TAS2R1: variants seen among roughly 807,000 people sequenced by gnomAD.
TAS2R1 encodes the protein taste receptor type 2 member 1.
For missense variants in TAS2R1, 370 were observed against 353.4 expected, an observed-to-expected ratio of 1.05 and a Z score of -0.38; for synonymous variants, 141 against 134.2, an observed-to-expected ratio of 1.05 and a Z score of -0.35.
At chr5:9,879,525 T>C in the TAS2R1 span, among the ~76,000 whole-genome samples, 3 of 152,154 alleles carry the variant, frequency 2.0e-5, no homozygotes, top group Non-Finnish European at 2.9e-5. Context: ...CAACTATCAT[T>C]CTGGTAGACC....
chr5:9,768,979 T>C, the TAS2R1 span, among the ~76,000 whole-genome samples: 2 of 152,332 alleles, frequency 1.3e-5, no homozygotes, highest in Admixed American at 1.3e-4. Flanking sequence ...TTGACTGTAG[T>C]CACCCTGTTG....
At chr5:9,733,660 G>C in the TAS2R1 span, among the ~76,000 whole-genome samples, 1 of 152,118 alleles carries the variant, frequency 6.6e-6, no homozygotes. Context: ...CTTGAAGCTC[G>C]TGTGGAAAAC....
chr5:9,805,696 T>A, the TAS2R1 span, among the ~76,000 whole-genome samples: 1 of 151,892 alleles, frequency 6.6e-6, no homozygotes, highest in African/African-American at 2.4e-5. Context: ...AAATCCAGCA[T>A]CCCTTTATAA....
At chr5:9,642,533 T>C (rs1274407070) in intron 2 of TAS2R1, among the ~76,000 whole-genome samples, 2 of 152,186 alleles carry the variant, frequency 1.3e-5, no homozygotes, top group Non-Finnish European at 2.9e-5. Flanking sequence ...TAATCATTCT[T>C]CAGATCCATT....
At chr5:9,699,451 T>C (rs891707212) in intron 1 of TAS2R1, among the ~76,000 whole-genome samples, 5 of 151,922 alleles carry the variant, frequency 3.3e-5, no homozygotes, top group African/African-American at 1.2e-4. Flanking sequence ...ACTTCTATTT[T>C]ATTACTTGTG....
At chr5:9,652,859 ATAT>A (rs1330139361) in intron 2 of TAS2R1, among the ~76,000 whole-genome samples, 3 of 152,182 alleles carry the variant, frequency 2.0e-5, no homozygotes, top group Non-Finnish European at 4.4e-5. Flanking sequence ...TTTCTAAAAA[ATAT>A]TATTTTAATT....
chr5:9,806,507 C>T, the TAS2R1 span, among the ~76,000 whole-genome samples: 1 of 151,962 alleles, frequency 6.6e-6, no homozygotes, highest in African/African-American at 2.4e-5. Flanking sequence ...TACTATAAGG[C>T]CATTGTCATC....
chr5:9,736,480 C>A, the TAS2R1 span, among the ~76,000 whole-genome samples: 31 of 152,184 alleles, frequency 2.0e-4, no homozygotes, highest in African/African-American at 7.0e-4. Flanking sequence ...GCTCCCTCAC[C>A]CTTCCTGTAG....
chr5:9,745,080 A>G, the TAS2R1 span, among the ~76,000 whole-genome samples: 1 of 152,196 alleles, frequency 6.6e-6, no homozygotes, highest in African/African-American at 2.4e-5. Flanking sequence ...GAATTGGTGG[A>G]AAAAGGCTGC....
chr5:9,839,610 T>G, the TAS2R1 span, among the ~76,000 whole-genome samples: 1 of 152,210 alleles, frequency 6.6e-6, no homozygotes, highest in African/African-American at 2.4e-5. Flanking sequence ...AAGTACAAAG[T>G]GACTCAAAGC....
In TAS2R1 at chr5:9,628,955, T is replaced by A; in HGVS notation, c.*178A>T. On this transcript the variant is annotated 3_prime_UTR_variant, in exon 1 of 1. Transcript: ENST00000382492. ...ATCAACATATGTTGTGCTTTCAAAATCAGTTTAACTGCTTGAAAAAGTAGC... is the reference window on the plus strand; with the variant it reads ...ATCAACATATGTTGTGCTTTCAAAAACAGTTTAACTGCTTGAAAAAGTAGC... 1.8e-6 allele frequency: 1 copy of A among 550,184 alleles called. No homozygotes were observed. 34.1% of individuals were successfully genotyped at this position (550,184 alleles called of 1,614,324 possible).
the TAS2R1 span, among the ~76,000 whole-genome samples, chr5:9,891,772 G>A: frequency 2.0e-5 from 3 of 152,146 alleles, no homozygotes; most frequent in Admixed American, 6.5e-5. Flanking sequence ...ACCCATCAGG[G>A]CAGTTGGACA....
In TAS2R1 at chr5:9,629,842, TAGA is replaced by T; in HGVS notation, c.188_190del (p.Phe63del). The T allele has an allele frequency of 1.2e-6, 2 of 1,613,692 alleles. No homozygotes were observed. Among genetic ancestry groups the T allele is most frequent in the Non-Finnish European group, 1.7e-6 (2 of 1,179,950 alleles). The stretch of plus-strand genomic sequence containing the variant: ...GAAGAAGATAACAATCACATTAACG[TAGA>T]AGATGAACAACTGCAGAAAAATTCT... On this transcript the variant is annotated inframe_deletion, in exon 1 of 1. Coordinates refer to ENST00000382492, the MANE Select transcript of TAS2R1 (RefSeq NM_019599.3).
chr5:9,856,340 C>T, the TAS2R1 span, among the ~76,000 whole-genome samples: 1 of 151,850 alleles, frequency 6.6e-6, no homozygotes, highest in South Asian at 2.1e-4. Flanking sequence ...CAGGCTGTAT[C>T]CCAAGTGGAG....
chr5:9,853,704 G>A, the TAS2R1 span, among the ~76,000 whole-genome samples: 3 of 152,116 alleles, frequency 2.0e-5, no homozygotes, highest in Non-Finnish European at 2.9e-5. Flanking sequence ...GGGATGACAA[G>A]GGGAGCATAT....
chr5:9,649,450 T>C (rs527776534), intron 2 of TAS2R1, among the ~76,000 whole-genome samples: 2 of 152,320 alleles, frequency 1.3e-5, no homozygotes, highest in South Asian at 4.1e-4. Context: ...TCATTGTAGT[T>C]GCACAGGGAG....
the TAS2R1 span, among the ~76,000 whole-genome samples, chr5:9,747,029 G>C: frequency 6.6e-6 from 1 of 152,166 alleles, no homozygotes; most frequent in Non-Finnish European, 1.5e-5. Flanking sequence ...GAACAGGACA[G>C]AAGACAAATT....
At chr5:9,663,121 T>A (rs1234630798) in intron 1 of TAS2R1, among the ~76,000 whole-genome samples, 1 of 152,182 alleles carries the variant, frequency 6.6e-6, no homozygotes, top group Non-Finnish European at 1.5e-5. Flanking sequence ...AAAGCATTAT[T>A]ATATATAAAA....
At chr5:9,632,013 A>T (rs1739881277), upstream of TAS2R1, among the ~76,000 whole-genome samples, 1 of 152,220 alleles carries the variant, frequency 6.6e-6, no homozygotes, top group South Asian at 2.1e-4. Context: ...TAGAAAGAAG[A>T]AGAAACTTTG....
Sources: gnomAD v4.1 joint callset for allele counts (sites outside exome capture counted in the v4.1 genomes callset) on GRCh38, gnomAD v4.1.1 for gene constraint, MANE v1.5 for transcripts, NCBI Gene and HGNC (gene_info 2026-07-23, HGNC 2026-07-21) for gene names.